Variants in PLPPR4 observed in about 807,000 individuals in gnomAD.
The protein encoded by PLPPR4 is phospholipid phosphatase-related protein type 4.
PLPPR4 carries 24 observed loss-of-function variants against 56.6 expected under a neutral mutation model. That is an observed-to-expected ratio of 0.42 (90% CI 0.31 to 0.60). The LOEUF is 0.60. Ranked by LOEUF, PLPPR4 falls within the 20% of genes least tolerant of loss-of-function variation. The probability of loss-of-function intolerance (pLI) is 0.13; values close to 1 mark genes in which losing one functional copy is unlikely to be tolerated. For synonymous variants in PLPPR4, 326 were observed against 328.1 expected (o/e 0.99, Z 0.07); for missense variants, 654 against 885.8 (o/e 0.74, Z 3.32).
Position 99,306,365 on chromosome 1 carries a change from A to AAGC in PLPPR4, c.1507_1509dup (p.Ser504dup). 3 of 1,614,064 alleles carry AAGC rather than the reference A, an allele frequency of 1.9e-6. No homozygotes were observed. The highest frequency in any genetic ancestry group is 2.5e-6 in the Non-Finnish European group (3 of 1,180,014). ...AGGAAAACATAAGCACCTCCCCCAA[A>AAGC]AGCAGCTCTGCTCGGGCCAAGTGGT... On this transcript the variant is annotated inframe_insertion, in exon 7 of 7. Transcript: ENST00000370185. The surrounding 1 kb of genome is among the most constrained non-coding windows in gnomAD (Gnocchi z 4.0).
At chr1:99,264,315 G>A (rs1164847309), upstream of PLPPR4, 1 of 713,954 alleles carries the variant, frequency 1.4e-6, no homozygotes, top group Non-Finnish European at 2.2e-6. Flanking sequence ...CAACAGCTTG[G>A]AGGAGGGAGC....
intron 1 of PLPPR4, among the ~76,000 whole-genome samples, chr1:99,283,105 C>T (rs988817898): frequency 5.9e-5 from 9 of 151,652 alleles, no homozygotes; most frequent in African/African-American, 1.9e-4. Context: ...GGACCTAGAA[C>T]GAGGCTTGGG....
intron 1 of PLPPR4, among the ~76,000 whole-genome samples, chr1:99,268,927 C>T (rs1215875404): frequency 1.3e-5 from 2 of 152,140 alleles, no homozygotes; most frequent in African/African-American, 4.8e-5. Context: ...AGTATTCAAA[C>T]TTTTTGTTTA....
intron 2 of PLPPR4, among the ~76,000 whole-genome samples, chr1:99,295,726 G>A (rs540895935): frequency 4.6e-5 from 7 of 152,198 alleles, no homozygotes; most frequent in Admixed American, 3.3e-4. Flanking sequence ...GCCTAAGGTA[G>A]TTAGCAAATG....
chr1:99,296,599 C>T, intron 2 of PLPPR4, 139 bp from the exon 3 acceptor site: 3 of 621,844 alleles, frequency 4.8e-6, no homozygotes, highest in African/African-American at 1.9e-5. Flanking sequence ...AATTGCTGTG[C>T]CTCTACAGCT....
At chr1:99,288,713 C>A (rs1262154761) in intron 2 of PLPPR4, among the ~76,000 whole-genome samples, 1 of 152,150 alleles carries the variant, frequency 6.6e-6, no homozygotes. Flanking sequence ...TCAGAAAAGG[C>A]ATTTTCATTT....
chr1:99,306,754 G>A lies in PLPPR4; in HGVS notation c.1892G>A (p.Ser631Asn), dbSNP rs1660041200. The A allele has an allele frequency of 6.2e-7, 1 of 1,613,944 alleles. No homozygotes were observed. The highest frequency in any genetic ancestry group is 1.1e-5 in the South Asian group (1 of 91,074). The change falls in exon 7 of 7, where the codon AGC (serine) becomes AAC (asparagine). Residue 631 changes from serine (S) to asparagine (N), a missense_variant. Physicochemically the swap from Ser to Asn is conservative, Grantham distance 46. Transcript: ENST00000370185. The surrounding 1 kb of genome is among the most constrained non-coding windows in gnomAD (Gnocchi z 4.0). Reference protein sequence around the residue: ...DSESCESLKDSFGSGDRKRSN... With the variant: ...DSESCESLKDNFGSGDRKRSN... ...GAAAGCTGTGAGTCTCTGAAAGACA[G>A]CTTTGGTTCTGGAGATCGCAAGAGA...
intron 1 of PLPPR4, among the ~76,000 whole-genome samples, chr1:99,272,354 A>C (rs1659081481): frequency 6.6e-6 from 1 of 152,146 alleles, no homozygotes; most frequent in Non-Finnish European, 1.5e-5. Context: ...TCAGATCAGG[A>C]ATAGAACCTA....
intron 1 of PLPPR4, among the ~76,000 whole-genome samples, chr1:99,284,835 T>C (rs1659422418): frequency 6.6e-6 from 1 of 152,166 alleles, no homozygotes; most frequent in Non-Finnish European, 1.5e-5. Context: ...GAAGTCACTA[T>C]AACGTGTATC....
intron 2 of PLPPR4, among the ~76,000 whole-genome samples, chr1:99,294,601 C>T (rs1040818990): frequency 6.7e-6 from 1 of 149,308 alleles, no homozygotes; most frequent in Non-Finnish European, 1.5e-5. Flanking sequence ...GAGGCTGAGG[C>T]GGGAGAATGG....
intron 1 of PLPPR4, among the ~76,000 whole-genome samples, chr1:99,281,279 T>G (rs921092508): frequency 2.6e-5 from 4 of 152,184 alleles, no homozygotes. Context: ...AGGCCAGCAC[T>G]GGTTTCCCTC....
chr1:99,267,466 A>C (rs59743726), intron 1 of PLPPR4, among the ~76,000 whole-genome samples: 4,199 of 152,242 alleles, frequency 0.028, 151 homozygotes, highest in East Asian at 0.17. Context: ...TCTCATCCTT[A>C]GTTTCTTCAC....
At chr1:99,271,956 A>G (rs557270204) in intron 1 of PLPPR4, among the ~76,000 whole-genome samples, 3 of 134,752 alleles carry the variant, frequency 2.2e-5, no homozygotes, top group Admixed American at 1.5e-4. Context: ...TGGAGATCCA[A>G]TCTGTGAGCA....
At position 99,288,110 on chromosome 1, in the gene PLPPR4, T is replaced by C. The variant is rs765229288; in HGVS notation, c.224T>C (p.Leu75Pro). ...IEPTQEAIPF[L>P]MLLSLAFAGP... Reference sequence around the variant, plus strand: ...CCAACCCAGGAGGCAATTCCATTCCTCATGTTGCTTAGCTTGGCTTTTGCT... The same window carrying C: ...CCAACCCAGGAGGCAATTCCATTCCCCATGTTGCTTAGCTTGGCTTTTGCT... The change falls in exon 2 of 7, where the codon CTC becomes CCC. Residue 75 changes from leucine to proline, a missense_variant. Coordinates refer to ENST00000370185, the MANE Select transcript of PLPPR4 (RefSeq NM_014839.5). 6.2e-7 allele frequency: 1 copy of C among 1,613,742 alleles called. No homozygotes were observed. Among genetic ancestry groups the C allele is most frequent in the Middle Eastern group, 1.7e-4 (1 of 6,058 alleles).
intron 1 of PLPPR4, among the ~76,000 whole-genome samples, chr1:99,270,891 A>G (rs1659040915): frequency 6.6e-6 from 1 of 152,220 alleles, no homozygotes; most frequent in Non-Finnish European, 1.5e-5. Flanking sequence ...CACAATGCAT[A>G]AAGTCTGATG....
At chr1:99,298,575 C>A (rs1233358976) in intron 3 of PLPPR4, among the ~76,000 whole-genome samples, 1 of 152,266 alleles carries the variant, frequency 6.6e-6, no homozygotes, top group East Asian at 1.9e-4. Flanking sequence ...AGTATGATCA[C>A]AGCTTGAAGA....
chr1:99,306,362 C>A lies in PLPPR4; in HGVS notation c.1500C>A (p.Pro500=), dbSNP rs779547149. 12 of 1,614,150 alleles carry A rather than the reference C, an allele frequency of 7.4e-6. No individual in the cohort carries two copies. Among genetic ancestry groups the A allele is most frequent in the Non-Finnish European group, 1.0e-5 (12 of 1,180,024 alleles). ...CTCAGGAAAACATAAGCACCTCCCC[C>A]AAAAGCAGCTCTGCTCGGGCCAAGT... is the stretch of plus-strand genomic sequence containing the variant. The part of the protein sequence containing the change: ...EETQENISTS[P]KSSSARAKWL... Residue 500 remains proline, a synonymous_variant, in exon 7 of 7, where the codon CCC becomes CCA. Transcript: ENST00000370185. This position sits in a 1 kb window ranked among gnomAD's most constrained non-coding sequence, Gnocchi z 4.0.
At chr1:99,277,976 C>T (rs986001277) in intron 1 of PLPPR4, among the ~76,000 whole-genome samples, 3 of 152,014 alleles carry the variant, frequency 2.0e-5, no homozygotes, top group African/African-American at 7.2e-5. Flanking sequence ...AGTGAAAACA[C>T]TAATCTAAGT....
intron 1 of PLPPR4, among the ~76,000 whole-genome samples, chr1:99,273,602 G>A (rs1157858858): frequency 6.6e-6 from 1 of 152,026 alleles, no homozygotes; most frequent in Non-Finnish European, 1.5e-5. Context: ...AATAAGGAAT[G>A]CTAAAATGAA....
Sources: gnomAD v4.1 joint callset for allele counts (sites outside exome capture counted in the v4.1 genomes callset) on GRCh38, gnomAD v4.1.1 for gene constraint, Gnocchi (gnomAD v3.1) non-coding constraint, MANE v1.5 for transcripts, NCBI Gene and HGNC (gene_info 2026-07-23, HGNC 2026-07-21) for gene names.